The following CCDC38 variants were observed in gnomAD, a reference collection of about 807,000 sequenced individuals.
CCDC38 encodes the protein coiled-coil domain-containing protein 38.
CCDC38 carries 69 observed loss-of-function variants against 72.8 expected under a neutral mutation model. The ratio of observed to expected loss-of-function variants is 0.95; its 90% CI spans 0.78 to 1.16. The LOEUF (loss-of-function observed/expected upper bound fraction) is 1.16, where lower values mean the gene tolerates loss of function less well. Ranked by LOEUF, CCDC38 falls within the 50% of genes most tolerant of loss-of-function variation. The probability of loss-of-function intolerance (pLI) is 0.00; values close to 1 mark genes in which losing one functional copy is unlikely to be tolerated. For synonymous variants in CCDC38, 201 were observed against 213.2 expected (o/e 0.94, Z 0.50); for missense variants, 626 against 638.9 (o/e 0.98, Z 0.22).
chr12:95,911,921 T>C (rs1041066300), intron 4 of CCDC38, among the ~76,000 whole-genome samples: 1 of 152,180 alleles, frequency 6.6e-6, no homozygotes, highest in East Asian at 1.9e-4. Context: ...CACTTGTATG[T>C]TCATCACAGC....
chr12:95,879,639 C>T lies in CCDC38; in HGVS notation c.1142+5G>A, dbSNP rs1202731348. 6.4e-7 allele frequency: 1 copy of T among 1,567,630 alleles called. No individual in the cohort carries two copies. Among genetic ancestry groups the T allele is most frequent in the Non-Finnish European group, 8.7e-7 (1 of 1,145,512 alleles). On this transcript the variant is annotated splice_donor_5th_base_variant and intron_variant, in intron 12 of 15. Coordinates refer to ENST00000344280, the MANE Select transcript of CCDC38 (RefSeq NM_182496.3). The surrounding 1 kb of genome is among the most constrained non-coding windows in gnomAD (Gnocchi z 5.5). The stretch of plus-strand genomic sequence containing the variant: ...GAATAAATCTACTTGTTTATAATGA[C>T]TTACGTTTTATCCTGTATAACTTTT...
chr12:95,905,925 T>C (rs1016285206), intron 5 of CCDC38, among the ~76,000 whole-genome samples: 2 of 152,212 alleles, frequency 1.3e-5, no homozygotes, highest in East Asian at 1.9e-4. Flanking sequence ...TGTTCTGACA[T>C]GAATAGGTAT....
At position 95,881,534 on chromosome 12, in the gene CCDC38, G is replaced by T. The variant is rs769316716; in HGVS notation, c.941C>A (p.Ser314Ter). The change falls in exon 11 of 16, where the codon TCA becomes TAA. Residue 314 changes from serine (S) to a stop codon, truncating the protein, a stop_gained. Transcript: ENST00000344280. LOFTEE classifies it high-confidence loss of function. ...KKSNLAESFG[S>*]EDSLEFLLDD... is the part of the protein sequence containing the mutation. ...TAAAAGGAATTCCAAACTGTCTTCT[G>T]AACCGAAACTTTCAGCCAGGCTGTA... 6.2e-7 allele frequency: 1 copy of T among 1,608,744 alleles called. No homozygotes were observed. Among genetic ancestry groups the T allele is most frequent in the South Asian group, 1.1e-5 (1 of 90,194 alleles).
Position 95,886,904 on chromosome 12 carries a change from G to T in CCDC38, c.920+1554C>A, listed in dbSNP as rs142773751. 2.7e-4 allele frequency among the ~76,000 whole-genome samples: 41 copies of T among 152,322 alleles called. No individual in the cohort carries two copies. The East Asian group carries it at 7.9e-3, about 29-fold the overall frequency. ...AATCTCTTTAAAAACTGAACATGCGGCCGGGCGTGGTGGCTCACGCCTGTA... is the reference window on the plus strand; with the variant it reads ...AATCTCTTTAAAAACTGAACATGCGTCCGGGCGTGGTGGCTCACGCCTGTA... On this transcript the variant is annotated intron_variant, in intron 10 of 15. Transcript: ENST00000344280.
chr12:95,893,181 A>G (rs1003090855), intron 8 of CCDC38, among the ~76,000 whole-genome samples: 3 of 152,196 alleles, frequency 2.0e-5, no homozygotes, highest in Admixed American at 6.5e-5. Context: ...TACAATATCA[A>G]TCTTTCTATC....
At chr12:95,929,523 G>A (rs1238734992) in intron 2 of CCDC38, among the ~76,000 whole-genome samples, 3 of 152,188 alleles carry the variant, frequency 2.0e-5, no homozygotes, top group Non-Finnish European at 4.4e-5. Flanking sequence ...GCTGGGAGCT[G>A]TAGACGGGAG....
intron 4 of CCDC38, among the ~76,000 whole-genome samples, chr12:95,913,293 C>T (rs78778533): frequency 0.024 from 3,662 of 152,190 alleles, 159 homozygotes; most frequent in African/African-American, 0.084. Flanking sequence ...TGTTATTGTT[C>T]CCAAATATTT....
At chr12:95,933,443 T>TAA (rs2080359088) in intron 2 of CCDC38, 1 of 152,204 alleles carries the variant, frequency 6.6e-6, no homozygotes, top group African/African-American at 2.4e-5. Flanking sequence ...GAAGAGTTGT[T>TAA]CAACTTCATT....
chr12:95,942,168 T>C (rs1306408483), intron 1 of CCDC38, among the ~76,000 whole-genome samples: 1 of 152,194 alleles, frequency 6.6e-6, no homozygotes, highest in African/African-American at 2.4e-5. Flanking sequence ...TATCTTTGTA[T>C]GTTCCACAAG....
chr12:95,928,792 C>A (rs915053835), intron 2 of CCDC38, among the ~76,000 whole-genome samples: 1 of 152,024 alleles, frequency 6.6e-6, no homozygotes, highest in Admixed American at 6.6e-5. Flanking sequence ...GTTGGAGTAC[C>A]CGGCCGTGTG....
intron 8 of CCDC38, among the ~76,000 whole-genome samples, chr12:95,894,462 G>A (rs970238309): frequency 6.6e-6 from 1 of 152,128 alleles, no homozygotes; most frequent in Admixed American, 6.5e-5. Flanking sequence ...TCAGAGGTGG[G>A]GCTTAGTGAA....
At chr12:95,903,780 G>T in intron 5 of CCDC38, 3 of 248,046 alleles carry the variant, frequency 1.2e-5, no homozygotes, top group East Asian at 7.9e-5. Context: ...TATTGGATTT[G>T]GTTTGTTACA....
chr12:95,921,292 TG>T (rs993600439), intron 2 of CCDC38, among the ~76,000 whole-genome samples: 10 of 152,340 alleles, frequency 6.6e-5, no homozygotes, highest in Admixed American at 2.0e-4. Flanking sequence ...ATGGAAATCT[TG>T]GCTTTCAAAA....
chr12:95,907,784 G>A (rs543768511), intron 4 of CCDC38, among the ~76,000 whole-genome samples: 5 of 150,988 alleles, frequency 3.3e-5, no homozygotes, highest in Non-Finnish European at 7.4e-5. Flanking sequence ...AGGCAGAGAC[G>A]CTCCTCACAT....
At chr12:95,938,931 G>A (rs1470703910) in intron 1 of CCDC38, among the ~76,000 whole-genome samples, 1 of 152,152 alleles carries the variant, frequency 6.6e-6, no homozygotes, top group Non-Finnish European at 1.5e-5. Flanking sequence ...AGATGAAAAA[G>A]ATCAAAAGCT....
chr12:95,894,923 C>T (rs963003372), intron 8 of CCDC38, 66 bp downstream of exon 8: 4 of 1,274,692 alleles, frequency 3.1e-6, no homozygotes, highest in Non-Finnish European at 4.3e-6. Context: ...AGATAAAAAA[C>T]ATTGAAGCAG....
At chr12:95,924,802 T>C (rs1023297618) in intron 2 of CCDC38, among the ~76,000 whole-genome samples, 4 of 146,376 alleles carry the variant, frequency 2.7e-5, no homozygotes, top group South Asian at 2.2e-4. Context: ...AGGGAATCCT[T>C]TCCCCATTGC....
intron 2 of CCDC38, among the ~76,000 whole-genome samples, chr12:95,932,049 A>G (rs146493462): frequency 3.3e-4 from 50 of 152,246 alleles, no homozygotes; most frequent in African/African-American, 1.2e-3. Context: ...ATAATTACTT[A>G]GTATCTTGTA....
intron 1 of CCDC38, among the ~76,000 whole-genome samples, chr12:95,937,837 TG>T (rs766062480): frequency 7.2e-5 from 11 of 152,196 alleles, no homozygotes; most frequent in Non-Finnish European, 1.3e-4. Flanking sequence ...GTTCTACGTG[TG>T]GGGGACAGGG....
Sources: allele counts gnomAD v4.1 joint callset (sites outside exome capture counted in the v4.1 genomes callset), GRCh38; gene constraint gnomAD v4.1.1; non-coding constraint Gnocchi (gnomAD v3.1); transcripts MANE v1.5; gene names NCBI Gene and HGNC (gene_info 2026-07-23, HGNC 2026-07-21).